PIAS4: variants seen among roughly 807,000 people sequenced by gnomAD.
PIAS4 encodes protein inhibitor of activated STAT 4.
In PIAS4, 7 loss-of-function variants were observed where a neutral mutation model predicts 58.0. That is an observed-to-expected ratio of 0.12 (90% CI 0.07 to 0.23). PIAS4 has a LOEUF of 0.23. Among genes scored for constraint, PIAS4 ranks in the 10% least tolerant of loss-of-function variants. The probability of loss-of-function intolerance (pLI) is 1.00; values close to 1 mark genes in which losing one functional copy is unlikely to be tolerated. For missense variants in PIAS4, 550 were observed against 709.5 expected (o/e 0.78, Z 2.55); for synonymous variants, 364 against 312.4 (o/e 1.17, Z -1.74).
intron 1 of PIAS4, among the ~76,000 whole-genome samples, chr19:4,011,245 C>G (rs2039989649): frequency 6.6e-6 from 1 of 152,258 alleles, no homozygotes; most frequent in Non-Finnish European, 1.5e-5. Flanking sequence ...CTTGAGCTTT[C>G]TCCCCATTCC....
At chr19:4,030,463 C>CA (rs2040212971) in intron 7 of PIAS4, among the ~76,000 whole-genome samples, 1 of 151,826 alleles carries the variant, frequency 6.6e-6, no homozygotes, top group Non-Finnish European at 1.5e-5. Flanking sequence ...ACTAAAAATA[C>CA]AAAAAATTAG....
chr19:4,014,258 G>A (rs2144909059), intron 2 of PIAS4, among the ~76,000 whole-genome samples: 1 of 152,244 alleles, frequency 6.6e-6, no homozygotes, highest in Non-Finnish European at 1.5e-5. Flanking sequence ...TGTGTGTCAG[G>A]ACCTCATAGC....
intron 1 of PIAS4, among the ~76,000 whole-genome samples, chr19:4,011,655 GTTT>G (rs2039993612): frequency 6.6e-6 from 1 of 151,236 alleles, no homozygotes; most frequent in Non-Finnish European, 1.5e-5. Flanking sequence ...GTGGAGGTGT[GTTT>G]GGTGTGGAGG....
chr19:4,015,446 A>G (rs2040042696), intron 2 of PIAS4, among the ~76,000 whole-genome samples: 2 of 152,096 alleles, frequency 1.3e-5, no homozygotes, highest in Admixed American at 6.5e-5. Context: ...GCGGCTCAGA[A>G]CAAAGAGGCC....
intron 2 of PIAS4, among the ~76,000 whole-genome samples, chr19:4,020,176 A>G (rs1386510219): frequency 1.3e-5 from 2 of 152,146 alleles, no homozygotes; most frequent in Admixed American, 1.3e-4. Flanking sequence ...TCGGCCTCCC[A>G]AAGTGCTGGG....
chr19:4,026,135 CTTTTTCTTTTT>C (rs2040161860), intron 3 of PIAS4, among the ~76,000 whole-genome samples: 1 of 135,200 alleles, frequency 7.4e-6, no homozygotes, highest in Non-Finnish European at 1.6e-5. Context: ...ATTTCTTTTT[CTTTTTCTTTTT>C]TTTTTTTGAA....
chr19:4,034,762 C>T (rs2040258361), intron 9 of PIAS4, among the ~76,000 whole-genome samples: 1 of 152,162 alleles, frequency 6.6e-6, no homozygotes, highest in Non-Finnish European at 1.5e-5. Flanking sequence ...CAGCTGTGTC[C>T]CATGCAGGCC....
At chr19:4,021,213 C>A (rs546601119) in intron 2 of PIAS4, among the ~76,000 whole-genome samples, 1 of 151,794 alleles carries the variant, frequency 6.6e-6, no homozygotes. Flanking sequence ...AGTGCAGTTA[C>A]ACAATCTCGG....
intron 1 of PIAS4, among the ~76,000 whole-genome samples, chr19:4,011,002 G>C (rs368914845): frequency 6.6e-6 from 1 of 152,204 alleles, no homozygotes; most frequent in Non-Finnish European, 1.5e-5. Context: ...ATGAGGACCC[G>C]ACAGTGGGCC....
intron 7 of PIAS4, among the ~76,000 whole-genome samples, chr19:4,032,333 G>A (rs971240426): frequency 2.6e-5 from 4 of 152,124 alleles, no homozygotes; most frequent in African/African-American, 9.7e-5. Flanking sequence ...GGCCCTGTGG[G>A]TTGTGGGCCA....
Position 4,013,071 on chromosome 19 carries a change from A to G in PIAS4, c.176A>G (p.Lys59Arg), listed in dbSNP as rs1329882781. The G allele has an allele frequency of 1.2e-6, 2 of 1,613,514 alleles. No individual in the cohort carries two copies. Among genetic ancestry groups the G allele is most frequent in the Non-Finnish European group, 8.5e-7 (1 of 1,179,990 alleles). ...DCSPELFKKI[K>R]ELYETRYAKK... ...AGCCCTGAGCTGTTCAAGAAGATCA[A>G]GGAGCTGTACGAGACCCGCTACGCC... The change falls in exon 2 of 11, where the codon AAG becomes AGG. Residue 59 changes from lysine (K) to arginine (R), a missense_variant. By Grantham distance (26) the Lys-to-Arg change is conservative (BLOSUM62 2). Transcript: ENST00000262971. The surrounding 1 kb of genome is among the most constrained non-coding windows in gnomAD (Gnocchi z 5.1).
At chr19:4,025,212 A>G (rs1338609795) in intron 3 of PIAS4, among the ~76,000 whole-genome samples, 1 of 152,150 alleles carries the variant, frequency 6.6e-6, no homozygotes, top group African/African-American at 2.4e-5. Context: ...GCTCTGTGCC[A>G]GGAACACCCC....
In PIAS4 at chr19:4,037,779, GGAGGAGGAGGAA is replaced by G. The variant is rs766631940; in HGVS notation, c.1452_1463del (p.Glu484_Glu487del). The G allele has an allele frequency of 5.1e-5, 81 of 1,581,466 alleles. No homozygotes were observed. Among genetic ancestry groups the G allele is most frequent in the Admixed American group, 8.9e-5 (5 of 55,988 alleles). ...ACAGCTCATCGTCCTCGGAGGATGA[GGAGGAGGAGGAA>G]GAGGAGGAGGAAGACGAGGACGAAG... On this transcript the variant is annotated inframe_deletion, in exon 11 of 11. Transcript: ENST00000262971. The surrounding 1 kb of genome is among the most constrained non-coding windows in gnomAD (Gnocchi z 5.8).
rs916654435 is a variant in PIAS4 at position 4,013,832 on chromosome 19, A to G, written c.454+483A>G. Among the ~76,000 whole-genome samples, 1 of 152,118 alleles carries G rather than the reference A, an allele frequency of 6.6e-6. No individual in the cohort carries two copies. The highest frequency in any genetic ancestry group is 2.4e-5 in the African/African-American group (1 of 41,420). On this transcript the variant is annotated intron_variant, in intron 2 of 10. Coordinates refer to ENST00000262971, the MANE Select transcript of PIAS4 (RefSeq NM_015897.4). The surrounding 1 kb of genome is among the most constrained non-coding windows in gnomAD (Gnocchi z 5.1). ...CTCAGCCTGGTGGCTCCCTCACCCT[A>G]GGGTAGCGAGTGTGCACCTCCAAGC...
rs926193724 is a variant in PIAS4 at position 4,038,366 on chromosome 19, A to G, written c.*491A>G. 6.6e-6 allele frequency: 1 copy of G among 150,396 alleles called. No individual in the cohort carries two copies. The highest frequency in any genetic ancestry group is 1.5e-5 in the Non-Finnish European group (1 of 67,830). 9.3% of individuals were successfully genotyped at this position (150,396 alleles called of 1,614,324 possible). A position where few individuals can be genotyped will look rare whatever the true frequency, so the allele number is the denominator to read the frequency against. On this transcript the variant is annotated 3_prime_UTR_variant, in exon 11 of 11. Coordinates refer to ENST00000262971, the MANE Select transcript of PIAS4 (RefSeq NM_015897.4). The surrounding 1 kb of genome is among the most constrained non-coding windows in gnomAD (Gnocchi z 4.1). ...TCCTTTGCTTTTTCTCTGCAAATGC[A>G]TCCTCGCCCAGAGACCCTCACGCGC...
rs1171500982 is a variant in PIAS4, at chr19:4,037,073, C to T, written c.1143-301C>T. On this transcript the variant is annotated intron_variant, in intron 9 of 10. Transcript: ENST00000262971. The surrounding 1 kb of genome is among the most constrained non-coding windows in gnomAD (Gnocchi z 5.8). ...CCCAGAGGGGCAGGGTGGGGAGGAC[C>T]CCTGCAGCTGCCACACTCCCTGCTC... 2.0e-5 allele frequency among the ~76,000 whole-genome samples: 3 copies of T among 152,236 alleles called. No individual in the cohort carries two copies. Among genetic ancestry groups the T allele is most frequent in the Non-Finnish European group, 4.4e-5 (3 of 68,032 alleles).
At chr19:4,029,808 CTAATTTTT>C (rs2040205137) in intron 7 of PIAS4, among the ~76,000 whole-genome samples, 1 of 133,920 alleles carries the variant, frequency 7.5e-6, no homozygotes, top group Non-Finnish European at 1.5e-5. Flanking sequence ...CCACACCCAA[CTAATTTTT>C]TTTTTTTTTT....
rs777529629 is a variant in PIAS4, at chr19:4,013,296, T to C, written c.401T>C (p.Val134Ala). ...AKTLKPEVRL[V>A]KLPFFNMLDE... is the part of the protein sequence containing the mutation. The stretch of plus-strand genomic sequence containing the variant: ...ACCCTCAAGCCAGAAGTCCGCCTGG[T>C]GAAGCTGCCGTTCTTTAATATGCTG... The change falls in exon 2 of 11, where the codon GTG becomes GCG. Residue 134 changes from valine to alanine, a missense_variant. By Grantham distance (64) the Val-to-Ala change is moderately conservative. Around this residue, in one of 4 missense-constraint regions of PIAS4, gnomAD observed 225 missense variants for 345.8 expected, o/e 0.65. Coordinates refer to ENST00000262971, the MANE Select transcript of PIAS4 (RefSeq NM_015897.4). The surrounding 1 kb of genome is among the most constrained non-coding windows in gnomAD (Gnocchi z 5.1). The C allele has an allele frequency of 5.0e-6, 8 of 1,613,064 alleles. No individual in the cohort carries two copies. The highest frequency in any genetic ancestry group is 1.7e-5 in the Admixed American group (1 of 59,996).
chr19:4,035,753 C>CCAT (rs2040268835), intron 9 of PIAS4, among the ~76,000 whole-genome samples: 1 of 9,654 alleles, frequency 1.0e-4, no homozygotes, highest in African/African-American at 4.4e-4. Flanking sequence ...TCCACACCAT[C>CCAT]ACACACACAC....
Sources: gnomAD v4.1 joint callset for allele counts (sites outside exome capture counted in the v4.1 genomes callset) on GRCh38, gnomAD v4.1.1 for gene constraint, gnomAD v4.1.1 regional missense constraint, Gnocchi (gnomAD v3.1) non-coding constraint, MANE v1.5 for transcripts, NCBI Gene and HGNC (gene_info 2026-07-23, HGNC 2026-07-21) for gene names.